Variants in FAT1 observed in about 807,000 individuals in gnomAD.
FAT1 encodes protocadherin Fat 1.
Under a neutral mutation model 329.8 loss-of-function variants are expected in FAT1, and 171 were observed. That is an observed-to-expected ratio of 0.52 (90% CI 0.46 to 0.59). The LOEUF is 0.59. Ranked by LOEUF, FAT1 falls within the 20% of genes least tolerant of loss-of-function variation. The probability of loss-of-function intolerance (pLI) is 0.00; values close to 1 mark genes in which losing one functional copy is unlikely to be tolerated. For synonymous variants in FAT1, 2,233 were observed against 2,228.6 expected (o/e 1.00, Z -0.06); for missense variants, 5,672 against 5,774.4 (o/e 0.98, Z 0.57).
Position 186,602,912 on chromosome 4 carries a change from G to T in FAT1, c.11473C>A (p.Gln3825Lys). 6.2e-7 allele frequency: 1 copy of T among 1,613,812 alleles called. No individual in the cohort carries two copies. Among genetic ancestry groups the T allele is most frequent in the South Asian group, 1.1e-5 (1 of 91,006 alleles). ...ACCATTCAACTCTCACCTGGGCACT[G>T]ACCAAACCTGCCGCTGGGACAGACA... ...TCVCPSGRFG[Q>K]CPGSSSMTLT... The change falls in exon 20 of 27, where the codon CAG becomes AAG. Residue 3825 changes from glutamine to lysine, a missense_variant. By Grantham distance (53) the Gln-to-Lys change is moderately conservative. Transcript: ENST00000441802.
At chr4:186,690,356 A>G (rs980359752) in intron 2 of FAT1, among the ~76,000 whole-genome samples, 6 of 152,202 alleles carry the variant, frequency 3.9e-5, no homozygotes, top group African/African-American at 1.4e-4. Flanking sequence ...AAAGTGAATG[A>G]TCAGAGACGT....
At position 186,707,565 on chromosome 4, in the gene FAT1, C is replaced by A. The variant is rs2126689638; in HGVS notation, c.2263G>T (p.Ala755Ser). Reference protein sequence around the residue: ...DTGFNGKLVYAVSGGNEDSCF... With the variant: ...DTGFNGKLVYSVSGGNEDSCF... ...CTATCCTCATTTCCTCCAGAAACAG[C>A]ATAGACCAGTTTTCCATTGAAGCCA... Residue 755 changes from alanine to serine, a missense_variant, in exon 2 of 27, where the codon GCT (alanine) becomes TCT (serine). Physicochemically the swap from Ala to Ser is moderately conservative, Grantham distance 99. Transcript: ENST00000441802. 6.2e-7 allele frequency: 1 copy of A among 1,614,004 alleles called. No homozygotes were observed. Among genetic ancestry groups the A allele is most frequent in the Non-Finnish European group, 8.5e-7 (1 of 1,179,892 alleles).
chr4:186,647,449 G>C (rs1011753833), intron 3 of FAT1, among the ~76,000 whole-genome samples: 1 of 152,136 alleles, frequency 6.6e-6, no homozygotes, highest in Non-Finnish European at 1.5e-5. Flanking sequence ...CAGAGTCCAA[G>C]CTCTTAATTC....
chr4:186,599,709 G>A (rs913090116), intron 22 of FAT1, among the ~76,000 whole-genome samples, 189 bp downstream of exon 22: 1 of 152,170 alleles, frequency 6.6e-6, no homozygotes, highest in Admixed American at 6.5e-5. Flanking sequence ...CCTGCAGCCT[G>A]GGCACCAGAA....
chr4:186,592,628 C>T (rs1316405577), intron 26 of FAT1: 10 of 449,008 alleles, frequency 2.2e-5, no homozygotes, highest in Non-Finnish European at 4.5e-6. Flanking sequence ...AATAGCAATG[C>T]GGCCGAGCTC....
chr4:186,691,386 T>C (rs1743754550), intron 2 of FAT1, among the ~76,000 whole-genome samples: 1 of 152,254 alleles, frequency 6.6e-6, no homozygotes, highest in Non-Finnish European at 1.5e-5. Context: ...TTACTGTTTA[T>C]GAGAATATCA....
rs1359818919 is a variant in FAT1 at position 186,669,574 on chromosome 4, A to G, written c.3266-5961T>C. Among the ~76,000 whole-genome samples the G allele has an allele frequency of 3.9e-5, 6 of 152,360 alleles. No homozygotes were observed. The South Asian group carries it at 1.2e-3, about 32-fold the overall frequency. On this transcript the variant is annotated intron_variant, in intron 2 of 26. Coordinates refer to ENST00000441802, the MANE Select transcript of FAT1 (RefSeq NM_005245.4). Reference sequence around the variant, plus strand: ...CGAAAGAAGCCGGAAATTTGGAGTTATTAAGTAAGAATATTTATCATTCCA... The same window carrying G: ...CGAAAGAAGCCGGAAATTTGGAGTTGTTAAGTAAGAATATTTATCATTCCA...
chr4:186,643,947 A>G (rs1185199174), intron 3 of FAT1, among the ~76,000 whole-genome samples: 1 of 152,178 alleles, frequency 6.6e-6, no homozygotes, highest in Admixed American at 6.5e-5. Context: ...CTCATCTGCA[A>G]TATTTTTTGC....
In FAT1 at chr4:186,636,703, G is replaced by A. The variant is rs1343945726; in HGVS notation, c.3854C>T (p.Ala1285Val). Reference protein sequence around the residue: ...IATDKDEGPNAEISYSIEDGN... With the variant: ...IATDKDEGPNVEISYSIEDGN... ...GTCTTCGATGCTGTAGGAGATTTCT[G>A]CATTGGGGCCCTCATCCTTGTCGGT... The change falls in exon 5 of 27, where the codon GCA (alanine) becomes GTA (valine). Residue 1285 changes from alanine to valine, a missense_variant. Coordinates refer to ENST00000441802, the MANE Select transcript of FAT1 (RefSeq NM_005245.4). 2.5e-6 allele frequency: 4 copies of A among 1,613,794 alleles called. No individual in the cohort carries two copies. The highest frequency in any genetic ancestry group is 3.4e-6 in the Non-Finnish European group (4 of 1,179,860).
At chr4:186,723,894 GCCGGCGCCGGCGCTCA>G (rs1449584902), upstream of FAT1, 2 of 150,442 alleles carry the variant, frequency 1.3e-5, no homozygotes, top group African/African-American at 4.9e-5. Context: ...GGCCCCGCCC[GCCGGCGCCGGCGCTCA>G]TTTCTCGGGC....
intron 6 of FAT1, 30 bp downstream of exon 6, chr4:186,635,995 C>A (rs745381749): frequency 6.2e-7 from 1 of 1,602,314 alleles, no homozygotes; most frequent in Non-Finnish European, 8.5e-7. Context: ...GTAACCCATA[C>A]GGACAACGAA....
chr4:186,612,267 T>A (rs1425904231), intron 13 of FAT1, among the ~76,000 whole-genome samples: 1 of 152,070 alleles, frequency 6.6e-6, no homozygotes, highest in Non-Finnish European at 1.5e-5. Context: ...GAATCTGGCT[T>A]CTTAGACTAT....
rs2126432999 is a variant in FAT1, at chr4:186,603,768, C to T, written c.10758G>A (p.Met3586Ile). The change falls in exon 19 of 27, where the codon ATG (methionine) becomes ATA (isoleucine). Residue 3586 changes from methionine (M) to isoleucine (I), a missense_variant. Transcript: ENST00000441802. The part of the protein sequence containing the change: ...DTLTYSLDPQ[M>I]DNLFSVSSTG... ...TGCTGGAAACAGAGAACAGGTTGTC[C>T]ATCTGAGGGTCGAGACTGTAGGTTA... is the stretch of plus-strand genomic sequence containing the variant. 3 of 1,613,922 alleles carry T rather than the reference C, an allele frequency of 1.9e-6. No homozygotes were observed. Among genetic ancestry groups the T allele is most frequent in the Non-Finnish European group, 1.7e-6 (2 of 1,179,868 alleles).
chr4:186,675,032 TCAAAAA>T (rs905713909), intron 2 of FAT1, among the ~76,000 whole-genome samples: 1 of 151,960 alleles, frequency 6.6e-6, no homozygotes, highest in Admixed American at 6.6e-5. Flanking sequence ...AGACCTTGTC[TCAAAAA>T]CAAAAACAAA....
chr4:186,606,126 C>T lies in FAT1; in HGVS notation c.10294G>A (p.Asp3432Asn), dbSNP rs554538206. Residue 3432 changes from aspartate (D) to asparagine (N), a missense_variant, in exon 17 of 27, where the codon GAT becomes AAT. Physicochemically the swap from Asp to Asn is conservative, Grantham distance 23. Around this residue, in one of 2 missense-constraint regions of FAT1, gnomAD observed 1,706 missense variants for 1,859.1 expected, o/e 0.92. Transcript: ENST00000441802. ...AAGACGGGCGCGTTGTCATTGACAT[C>T]GGACACATCGATGTTCACGGTCGTC... is the stretch of plus-strand genomic sequence containing the variant. ...NTTTVNIDVSDVNDNAPVFSR... is the reference protein window; with the variant it reads ...NTTTVNIDVSNVNDNAPVFSR... 3.9e-5 allele frequency: 63 copies of T among 1,613,216 alleles called. No homozygotes were observed. The highest frequency in any genetic ancestry group is 4.8e-5 in the Non-Finnish European group (57 of 1,179,808).
intron 9 of FAT1, among the ~76,000 whole-genome samples, chr4:186,626,787 AGAAT>A (rs1288213027): frequency 1.7e-4 from 21 of 122,702 alleles, no homozygotes; most frequent in Non-Finnish European, 1.8e-4. Context: ...ACCAGCCCAC[AGAAT>A]GAATGAATGA....
At chr4:186,638,642 CACAT>C (rs764013677) in intron 4 of FAT1, among the ~76,000 whole-genome samples, 1,198 of 95,750 alleles carry the variant, frequency 0.013, 8 homozygotes, top group African/African-American at 0.025. Flanking sequence ...CACACACACA[CACAT>C]ACACTGCACA....
At position 186,613,340 on chromosome 4, in the gene FAT1, C is replaced by T. The variant is rs779324710; in HGVS notation, c.9232G>A (p.Glu3078Lys). 6.2e-7 allele frequency: 1 copy of T among 1,612,428 alleles called. No individual in the cohort carries two copies. The highest frequency in any genetic ancestry group is 8.5e-7 in the Non-Finnish European group (1 of 1,178,450). The change falls in exon 13 of 27, where the codon GAA (glutamate) becomes AAA (lysine). Residue 3078 changes from glutamate (E) to lysine (K), a missense_variant and splice_region_variant. Around this residue, in one of 2 missense-constraint regions of FAT1, gnomAD observed 3,966 missense variants for 3,915.2 expected, o/e 1.01. Transcript: ENST00000441802. ...TCAAGGGGGGTTGACGTTTTCAGTT[C>T]ACCTACAAACAAAAACAAATGGACT... ...EKFKLNPDTGELKTSTPLDRE... is the reference protein window; with the variant it reads ...EKFKLNPDTGKLKTSTPLDRE...
At chr4:186,597,610 G>A in intron 24 of FAT1, 72 bp downstream of exon 24, 2 of 997,936 alleles carry the variant, frequency 2.0e-6, no homozygotes, top group South Asian at 2.7e-5. Context: ...ATCACTGAAG[G>A]TCTGTTGCAT....
Sources: gnomAD v4.1 joint callset for allele counts (sites outside exome capture counted in the v4.1 genomes callset) on GRCh38, gnomAD v4.1.1 for gene constraint, gnomAD v4.1.1 regional missense constraint, MANE v1.5 for transcripts, NCBI Gene and HGNC (gene_info 2026-07-23, HGNC 2026-07-21) for gene names.